The following GJB5 variants were observed in gnomAD, a reference collection of about 807,000 sequenced individuals.
GJB5 encodes gap junction protein beta 5, also known as gap junction beta-5 protein.
For missense variants in GJB5, 333 were observed against 357.9 expected (o/e 0.93, Z 0.56); for synonymous variants, 146 against 145.5 (o/e 1.00, Z -0.02).
In GJB5 at chr1:34,757,427, G is replaced by GGGGTTGTGCTGAGGAC. The variant is rs1557650043; in HGVS notation, c.97_98insGGGTTGTGCTGAGGAC (p.Val33GlyfsTer19). The GGGGTTGTGCTGAGGAC allele has an allele frequency of 6.2e-7, 1 of 1,614,194 alleles. No homozygotes were observed. The highest frequency in any genetic ancestry group is 2.2e-5 in the East Asian group (1 of 44,878). On this transcript the variant is annotated frameshift_variant, in exon 2 of 2. Transcript: ENST00000338513. LOFTEE classifies it low-confidence loss of function (END_TRUNC). ...GCTGTCTCTGGTCTTCATCTTCCGCGTGCTGGTGTACCTGGTGACGGCCGA... is the reference window on the plus strand; with the variant it reads ...GCTGTCTCTGGTCTTCATCTTCCGCGGGGTTGTGCTGAGGACTGCTGGTGTACCTGGTGACGGCCGA...
At chr1:34,756,293 T>A (rs1639581827) in intron 1 of GJB5, among the ~76,000 whole-genome samples, 1 of 152,188 alleles carries the variant, frequency 6.6e-6, no homozygotes, top group South Asian at 2.1e-4. Context: ...CGGAGGTGAA[T>A]CTGATTCTGT....
At chr1:34,755,476 GGGGCTAA>G (rs1423252557) in intron 1 of GJB5, among the ~76,000 whole-genome samples, 1 of 151,164 alleles carries the variant, frequency 6.6e-6, no homozygotes, top group Non-Finnish European at 1.5e-5. Flanking sequence ...GAGAGCCCCT[GGGGCTAA>G]GGGCGGGGCC....
At position 34,755,110 on chromosome 1, in the gene GJB5, G is replaced by A. The variant is rs987185878; in HGVS notation, c.-110G>A. The A allele has an allele frequency of 4.6e-5, 7 of 152,668 alleles. No homozygotes were observed. The highest frequency in any genetic ancestry group is 1.3e-4 in the Admixed American group (2 of 15,304). 9.5% of individuals were successfully genotyped at this position (152,668 alleles called of 1,614,324 possible). On this transcript the variant is annotated 5_prime_UTR_variant, in exon 1 of 2. Transcript: ENST00000338513. ...ACGGGCTTCCCCGAAAACCTTCCCC[G>A]CTTCTGGATATGAAATTCAAGCTGC... is the stretch of plus-strand genomic sequence containing the variant.
rs761118749 is a variant in GJB5 at position 34,757,914 on chromosome 1, C to A, written c.584C>A (p.Ala195Asp). 1 of 1,614,042 alleles carries A rather than the reference C, an allele frequency of 6.2e-7. No homozygotes were observed. Among genetic ancestry groups the A allele is most frequent in the East Asian group, 2.2e-5 (1 of 44,872 alleles). ...IFTLFMVATAAICILLNLVEL... is the reference protein window; with the variant it reads ...IFTLFMVATADICILLNLVEL... Reference sequence around the variant, plus strand: ...ACCCTCTTCATGGTGGCCACAGCTGCCATCTGCATCCTGCTCAACCTCGTG... The same window carrying A: ...ACCCTCTTCATGGTGGCCACAGCTGACATCTGCATCCTGCTCAACCTCGTG... The change falls in exon 2 of 2, where the codon GCC becomes GAC. Residue 195 changes from alanine (A) to aspartate (D), a missense_variant. Transcript: ENST00000338513.
Position 34,758,300 on chromosome 1 carries a change from G to A in GJB5, c.*148G>A, listed in dbSNP as rs868477520. The A allele has an allele frequency of 3.2e-5, 21 of 650,076 alleles. No individual in the cohort carries two copies. Among genetic ancestry groups the A allele is most frequent in the Admixed American group, 5.8e-5 (2 of 34,560 alleles). 40.3% of individuals were successfully genotyped at this position (650,076 alleles called of 1,614,324 possible). A position where few individuals can be genotyped will look rare whatever the true frequency, so the allele number is the denominator to read the frequency against. On this transcript the variant is annotated 3_prime_UTR_variant, in exon 2 of 2. Coordinates refer to ENST00000338513, the MANE Select transcript of GJB5 (RefSeq NM_005268.4). ...CAGACGCTCTGGGAGCCAGTTCCTAGTCCTCAACTCCAGCCACCTGCCCCA... is the reference window on the plus strand; with the variant it reads ...CAGACGCTCTGGGAGCCAGTTCCTAATCCTCAACTCCAGCCACCTGCCCCA...
In GJB5 at chr1:34,758,254, G is replaced by C; in HGVS notation, c.*102G>C. On this transcript the variant is annotated 3_prime_UTR_variant, in exon 2 of 2. Transcript: ENST00000338513. ...GTGGGGGAGCTAAGCCATGAGGTAGGGGCAGGCAAGAGAGAGGATTCAGAC... is the reference window on the plus strand; with the variant it reads ...GTGGGGGAGCTAAGCCATGAGGTAGCGGCAGGCAAGAGAGAGGATTCAGAC... 1 of 866,914 alleles carries C rather than the reference G, an allele frequency of 1.2e-6. No homozygotes were observed. The allele number at this position is 866,914 out of a possible 1,614,324, so 53.7% of individuals were successfully genotyped here.
At chr1:34,755,764 C>T (rs1270582371) in intron 1 of GJB5, among the ~76,000 whole-genome samples, 1 of 152,182 alleles carries the variant, frequency 6.6e-6, no homozygotes, top group East Asian at 1.9e-4. Context: ...GGGTCTGAGG[C>T]CTAAGGCTGG....
At position 34,757,768 on chromosome 1, in the gene GJB5, CTA is replaced by C; in HGVS notation, c.440_441del (p.Tyr147CysfsTer100). On this transcript the variant is annotated frameshift_variant, in exon 2 of 2. Coordinates refer to ENST00000338513, the MANE Select transcript of GJB5 (RefSeq NM_005268.4). LOFTEE classifies it low-confidence loss of function (END_TRUNC). Reference protein sequence around the residue: ...FKASVDIAFLYVFHSFYPKYI... With the variant: ...FKASVDIAFLXVFHSFYPKYI... ...AGGCGAGCGTGGACATCGCCTTTCTCTATGTGTTCCACTCATTCTACCCCAAA... is the reference window on the plus strand; with the variant it reads ...AGGCGAGCGTGGACATCGCCTTTCTCTGTGTTCCACTCATTCTACCCCAAA... The C allele has an allele frequency of 6.2e-7, 1 of 1,614,038 alleles. No individual in the cohort carries two copies. Among genetic ancestry groups the C allele is most frequent in the Non-Finnish European group, 8.5e-7 (1 of 1,180,004 alleles).
chr1:34,758,130 A>G lies in GJB5; in HGVS notation c.800A>G (p.His267Arg), dbSNP rs1639633683. The stretch of plus-strand genomic sequence containing the variant: ...CTCTTACCAGACCGCCCCCGAGACC[A>G]TGTGAAGAAAACCATCTTGTGAGGG... ...PPLLPDRPRD[H>R]VKKTIL is the part of the protein sequence containing the mutation. The change falls in exon 2 of 2, where the codon CAT becomes CGT. Residue 267 changes from histidine to arginine, a missense_variant. By Grantham distance (29) the His-to-Arg change is conservative. Transcript: ENST00000338513. 1 of 1,613,680 alleles carries G rather than the reference A, an allele frequency of 6.2e-7. No homozygotes were observed. Among genetic ancestry groups the G allele is most frequent in the Admixed American group, 1.7e-5 (1 of 59,982 alleles).
In GJB5 at chr1:34,757,539, C is replaced by A. The variant is rs779574268; in HGVS notation, c.209C>A (p.Pro70His). ...AACGTCTGCTTTGATGAGTTCTTCC[C>A]TGTGTCCCATGTGCGCCTCTGGGCC... ...CSNVCFDEFF[P>H]VSHVRLWALQ... is the part of the protein sequence containing the mutation. Residue 70 changes from proline (P) to histidine (H), a missense_variant, in exon 2 of 2, where the codon CCT becomes CAT. Coordinates refer to ENST00000338513, the MANE Select transcript of GJB5 (RefSeq NM_005268.4). 2 of 1,614,100 alleles carry A rather than the reference C, an allele frequency of 1.2e-6. No individual in the cohort carries two copies. Among genetic ancestry groups the A allele is most frequent in the Non-Finnish European group, 1.7e-6 (2 of 1,179,938 alleles).
In GJB5 at chr1:34,757,586, T is replaced by C. The variant is rs765660483; in HGVS notation, c.256T>C (p.Cys86Arg). 6 of 1,613,986 alleles carry C rather than the reference T, an allele frequency of 3.7e-6. No homozygotes were observed. The African/African-American group carries it at 6.7e-5, about 18-fold the overall frequency. ...LWALQLILVTCPSLLVVMHVA... is the reference protein window; with the variant it reads ...LWALQLILVTRPSLLVVMHVA... The stretch of plus-strand genomic sequence containing the variant: ...GGCCCTGCAGCTTATCCTGGTGACA[T>C]GCCCCTCACTGCTCGTGGTCATGCA... The change falls in exon 2 of 2, where the codon TGC becomes CGC. Residue 86 changes from cysteine to arginine, a missense_variant. Transcript: ENST00000338513.
At position 34,758,330 on chromosome 1, in the gene GJB5, G is replaced by A. The variant is rs1208138245; in HGVS notation, c.*178G>A. On this transcript the variant is annotated 3_prime_UTR_variant, in exon 2 of 2. Coordinates refer to ENST00000338513, the MANE Select transcript of GJB5 (RefSeq NM_005268.4). Reference sequence around the variant, plus strand: ...CAACTCCAGCCACCTGCCCCAGCTCGACGGCACTGGGCCAGTTCCCCCTCT... The same window carrying A: ...CAACTCCAGCCACCTGCCCCAGCTCAACGGCACTGGGCCAGTTCCCCCTCT... 4 of 618,450 alleles carry A rather than the reference G, an allele frequency of 6.5e-6. No homozygotes were observed. Among genetic ancestry groups the A allele is most frequent in the South Asian group, 2.0e-5 (1 of 50,044 alleles). The allele number at this position is 618,450 out of a possible 1,614,324, so 38.3% of individuals were successfully genotyped here. A position where few individuals can be genotyped will look rare whatever the true frequency, so the allele number is the denominator to read the frequency against.
chr1:34,757,501 G>C lies in GJB5; in HGVS notation c.171G>C (p.Gln57His). 1 of 1,614,182 alleles carries C rather than the reference G, an allele frequency of 6.2e-7. No homozygotes were observed. Among genetic ancestry groups the C allele is most frequent in the African/African-American group, 1.3e-5 (1 of 75,028 alleles). Residue 57 changes from glutamine (Q) to histidine (H), a missense_variant, in exon 2 of 2, where the codon CAG becomes CAC. Coordinates refer to ENST00000338513, the MANE Select transcript of GJB5 (RefSeq NM_005268.4). The part of the protein sequence containing the change: ...DHKDFDCNTR[Q>H]PGCSNVCFDE... ...AGGACTTCGACTGCAATACTCGCCA[G>C]CCCGGCTGCTCCAACGTCTGCTTTG...
In GJB5 at chr1:34,758,004, TGTGCACAGGTCATCACCCCCAC is replaced by T; in HGVS notation, c.676_697del (p.Cys226ValfsTer36). ...CTGGCAGCAAGGAAAGCTCAAGCCA[TGTGCACAGGTCATCACCCCCAC>T]GGTACCACCTCTTCCTGCAAACAAG... On this transcript the variant is annotated frameshift_variant, in exon 2 of 2. Coordinates refer to ENST00000338513, the MANE Select transcript of GJB5 (RefSeq NM_005268.4). LOFTEE classifies it low-confidence loss of function (END_TRUNC). The T allele has an allele frequency of 6.2e-7, 1 of 1,613,858 alleles. No homozygotes were observed. The highest frequency in any genetic ancestry group is 8.5e-7 in the Non-Finnish European group (1 of 1,179,984).
Position 34,757,338 on chromosome 1 carries a change from G to T in GJB5, c.8G>T (p.Trp3Leu). 1 of 1,610,652 alleles carries T rather than the reference G, an allele frequency of 6.2e-7. No individual in the cohort carries two copies. Residue 3 changes from tryptophan (W) to leucine (L), a missense_variant, in exon 2 of 2, where the codon TGG becomes TTG. Physicochemically the swap from Trp to Leu is moderately conservative, Grantham distance 61. Coordinates refer to ENST00000338513, the MANE Select transcript of GJB5 (RefSeq NM_005268.4). ...CTGACGCGTGGGTCCACCATGAACTGGAGTATCTTTGAGGGACTCCTGAGT... is the reference window on the plus strand; with the variant it reads ...CTGACGCGTGGGTCCACCATGAACTTGAGTATCTTTGAGGGACTCCTGAGT... MNWSIFEGLLSGV... is the reference protein window; with the variant it reads MNLSIFEGLLSGV...
At chr1:34,755,548 A>G (rs1352474399) in intron 1 of GJB5, among the ~76,000 whole-genome samples, 2 of 152,188 alleles carry the variant, frequency 1.3e-5, no homozygotes, top group Non-Finnish European at 2.9e-5. Flanking sequence ...AGGACTGAGC[A>G]TGCAAGATGG....
rs777418879 is a variant in GJB5 at position 34,757,395 on chromosome 1, G to T, written c.65G>T (p.Arg22Leu). 2 of 1,614,152 alleles carry T rather than the reference G, an allele frequency of 1.2e-6. No homozygotes were observed. The highest frequency in any genetic ancestry group is 1.1e-5 in the South Asian group (1 of 91,084). The change falls in exon 2 of 2, where the codon CGC becomes CTC. Residue 22 changes from arginine (R) to leucine (L), a missense_variant. Coordinates refer to ENST00000338513, the MANE Select transcript of GJB5 (RefSeq NM_005268.4). ...AACAAGTACTCCACAGCCTTTGGGC[G>T]CATCTGGCTGTCTCTGGTCTTCATC... is the stretch of plus-strand genomic sequence containing the variant. ...GVNKYSTAFG[R>L]IWLSLVFIFR...
At chr1:34,755,449 G>C (rs1270753073) in intron 1 of GJB5, among the ~76,000 whole-genome samples, 1 of 152,214 alleles carries the variant, frequency 6.6e-6, no homozygotes, top group Non-Finnish European at 1.5e-5. Context: ...TCCTCCCCAA[G>C]TAGGGATGGG....
chr1:34,755,265 G>T (rs1331534321), intron 1 of GJB5, 70 bp downstream of exon 1: 2 of 152,482 alleles, frequency 1.3e-5, no homozygotes, highest in Non-Finnish European at 2.9e-5. Context: ...TCTCTGCTGG[G>T]GAGTGGTGGG....
Sources: gnomAD v4.1 joint callset for allele counts (sites outside exome capture counted in the v4.1 genomes callset) on GRCh38, gnomAD v4.1.1 for gene constraint, MANE v1.5 for transcripts, NCBI Gene and HGNC (gene_info 2026-07-23, HGNC 2026-07-21) for gene names.